The following NINL variants were observed in gnomAD, a reference collection of about 807,000 sequenced individuals.
The protein encoded by NINL is ninein-like protein.
In NINL, 153 loss-of-function variants were observed where a neutral mutation model predicts 160.3. That is an observed-to-expected ratio of 0.95 (90% CI 0.84 to 1.09). The LOEUF is 1.09. Ranked by LOEUF, NINL falls within the 50% of genes least tolerant of loss-of-function variation. The pLI is 0.00. For synonymous variants in NINL, 800 were observed against 734.8 expected, an observed-to-expected ratio of 1.09 and a Z score of -1.43; for missense variants, 1,829 against 1,764.0, an observed-to-expected ratio of 1.04 and a Z score of -0.66.
In NINL at chr20:25,470,018, GC is replaced by G; in HGVS notation, c.3325del (p.Ala1109LeufsTer16). 6 of 1,614,178 alleles carry G rather than the reference GC, an allele frequency of 3.7e-6. No individual in the cohort carries two copies. The highest frequency in any genetic ancestry group is 5.1e-6 in the Non-Finnish European group (6 of 1,179,996). ...DLGRVRQELEAAESTHDAQRK... is the reference protein window; with the variant it reads ...DLGRVRQELEXAESTHDAQRK... ...CTGTGCATCGTGAGTACTTTCTGCA[GC>G]TTCAAGCTCTTGCCGAACCCTTCCC... On this transcript the variant is annotated frameshift_variant, in exon 18 of 24. Coordinates refer to ENST00000278886, the MANE Select transcript of NINL (RefSeq NM_025176.6). LOFTEE classifies it high-confidence loss of function.
chr20:25,520,509 A>G (rs566670358), intron 2 of NINL, among the ~76,000 whole-genome samples: 1 of 152,184 alleles, frequency 6.6e-6, no homozygotes, highest in African/African-American at 2.4e-5. Context: ...TCTGCCCCCC[A>G]GTTAAAATGT....
intron 1 of NINL, among the ~76,000 whole-genome samples, chr20:25,533,593 C>A (rs994341470): frequency 2.0e-5 from 3 of 151,964 alleles, no homozygotes; most frequent in African/African-American, 7.3e-5. Context: ...AGACATAGAC[C>A]CATGGAACAG....
At chr20:25,558,334 A>G (rs1404385283) in intron 1 of NINL, among the ~76,000 whole-genome samples, 2 of 152,066 alleles carry the variant, frequency 1.3e-5, no homozygotes, top group Non-Finnish European at 2.9e-5. Context: ...CAGCCTCCCA[A>G]GTAGCTGGGA....
Position 25,455,788 on chromosome 20 carries a change from T to C in NINL, c.3844-2A>G. ...TTTCAGCTGTTTCTCATGTTCTTCC[T>C]GCCATAAAAGAAGGTTGCAGGTGGC... On this transcript the variant is annotated splice_acceptor_variant, in intron 22 of 23. Coordinates refer to ENST00000278886, the MANE Select transcript of NINL (RefSeq NM_025176.6). LOFTEE classifies it high-confidence loss of function. 2 of 1,613,604 alleles carry C rather than the reference T, an allele frequency of 1.2e-6. No individual in the cohort carries two copies. Among genetic ancestry groups the C allele is most frequent in the South Asian group, 1.1e-5 (1 of 91,070 alleles).
rs751239461 is a variant in NINL, at chr20:25,461,605, G to A, written c.3613C>T (p.Leu1205Phe). 3 of 1,612,512 alleles carry A rather than the reference G, an allele frequency of 1.9e-6. No individual in the cohort carries two copies. The highest frequency in any genetic ancestry group is 2.7e-5 in the African/African-American group (2 of 74,814). The change falls in exon 21 of 24, where the codon CTT becomes TTT. Residue 1205 changes from leucine (L) to phenylalanine (F), a missense_variant. Transcript: ENST00000278886. ...TGATGTTCCTGATTCAGGCATTCAA[G>A]TTCAACTCTAAGTTTTTGGATTTGG... ...SDQIQKLRVE[L>F]ECLNQEHQSL... is the part of the protein sequence containing the mutation.
At chr20:25,526,383 T>TA (rs11087523) in intron 2 of NINL, 25 bp downstream of exon 2, 86,986 of 1,593,342 alleles carry the variant, frequency 0.055, 3,810 homozygotes, top group African/African-American at 0.23. Context: ...TGCTTTCCTT[T>TA]ATGACAATGA....
intron 1 of NINL, among the ~76,000 whole-genome samples, chr20:25,554,452 A>G (rs543442244): frequency 1.2e-4 from 19 of 152,128 alleles, no homozygotes; most frequent in Non-Finnish European, 2.6e-4. Context: ...CAGAATGGCA[A>G]TCTGCATACT....
chr20:25,495,831 T>C (rs2063741813), intron 10 of NINL, among the ~76,000 whole-genome samples: 1 of 152,142 alleles, frequency 6.6e-6, no homozygotes, highest in African/African-American at 2.4e-5. Context: ...AGTGCGGTGG[T>C]TGTATCCTTA....
chr20:25,476,315 C>G lies in NINL; in HGVS notation c.2976G>C (p.Glu992Asp), dbSNP rs1419705815. 4.3e-6 allele frequency: 7 copies of G among 1,613,100 alleles called. No homozygotes were observed. Among genetic ancestry groups the G allele is most frequent in the Non-Finnish European group, 5.9e-6 (7 of 1,179,942 alleles). ...RARSWSRGTQ[E>D]QASEQQARAE... ...CCCGGGCCTGCTGCTCCGAGGCCTG[C>G]TCCTGGGTGCCCCTGCTCCAGCTTC... Residue 992 changes from glutamate to aspartate, a missense_variant, in exon 17 of 24, where the codon GAG becomes GAC. By Grantham distance (45) the Glu-to-Asp change is conservative. Coordinates refer to ENST00000278886, the MANE Select transcript of NINL (RefSeq NM_025176.6).
At chr20:25,465,783 TACAC>T (rs1264264728) in intron 19 of NINL, among the ~76,000 whole-genome samples, 1 of 152,166 alleles carries the variant, frequency 6.6e-6, no homozygotes, top group African/African-American at 2.4e-5. Flanking sequence ...GAGTCATAGT[TACAC>T]ACAATGTGGC....
intron 2 of NINL, among the ~76,000 whole-genome samples, chr20:25,519,745 G>A (rs1270815008): frequency 2.0e-5 from 3 of 152,004 alleles, no homozygotes; most frequent in African/African-American, 2.4e-5. Flanking sequence ...GGCCGGGTGC[G>A]GTGGCTCTTG....
Position 25,498,340 on chromosome 20 carries a change from C to A in NINL, c.1039G>T (p.Asp347Tyr). 6.2e-7 allele frequency: 1 copy of A among 1,612,720 alleles called. No homozygotes were observed. Among genetic ancestry groups the A allele is most frequent in the South Asian group, 1.1e-5 (1 of 91,028 alleles). ...QNGREILQSL[D>Y]FSVDEKVNLL... ...TTCACCTTCTCGTCCACGCTGAAGTCCAGGCTCTGGAAGCAGCAAGCCTGG... is the reference window on the plus strand; with the variant it reads ...TTCACCTTCTCGTCCACGCTGAAGTACAGGCTCTGGAAGCAGCAAGCCTGG... The change falls in exon 9 of 24, where the codon GAC becomes TAC. Residue 347 changes from aspartate to tyrosine, a missense_variant. Asp to Tyr is a radical substitution (Grantham distance 160). Coordinates refer to ENST00000278886, the MANE Select transcript of NINL (RefSeq NM_025176.6).
intron 1 of NINL, among the ~76,000 whole-genome samples, chr20:25,565,821 A>C (rs929466801): frequency 1.3e-5 from 2 of 152,182 alleles, no homozygotes; most frequent in African/African-American, 2.4e-5. Flanking sequence ...GAACAAAAAC[A>C]GAGAAAAGGC....
In NINL at chr20:25,475,932, G is replaced by A. The variant is rs922372785; in HGVS notation, c.3248+111C>T. On this transcript the variant is annotated intron_variant, in intron 17 of 23. Coordinates refer to ENST00000278886, the MANE Select transcript of NINL (RefSeq NM_025176.6). ...CTACACAGCCCCCATCAGGGGCTGC[G>A]AGCTTGTCGGCAGGAAGGGCCACAT... The A allele has an allele frequency of 1.3e-5, 15 of 1,159,280 alleles. No individual in the cohort carries two copies. In the African/African-American group the frequency reaches 1.5e-4, roughly 12 times the overall value. 71.8% of individuals were successfully genotyped at this position (1,159,280 alleles called of 1,614,324 possible).
At chr20:25,490,524 C>T (rs571870273) in intron 11 of NINL, among the ~76,000 whole-genome samples, 1 of 145,702 alleles carries the variant, frequency 6.9e-6, no homozygotes, top group African/African-American at 2.6e-5. Context: ...CATGCCACTG[C>T]ACTCTAGCCT....
intron 1 of NINL, among the ~76,000 whole-genome samples, chr20:25,529,630 G>A (rs2064420330): frequency 6.6e-6 from 1 of 151,996 alleles, no homozygotes; most frequent in Admixed American, 6.6e-5. Context: ...ACAATAAATC[G>A]GAAAGCAAAC....
At chr20:25,541,657 G>T (rs2064664386) in intron 1 of NINL, among the ~76,000 whole-genome samples, 1 of 152,130 alleles carries the variant, frequency 6.6e-6, no homozygotes, top group Admixed American at 6.5e-5. Flanking sequence ...TATATAAAAT[G>T]AGCTCTTTCT....
intron 1 of NINL, among the ~76,000 whole-genome samples, chr20:25,571,763 AGGCTGAG>A (rs981985644): frequency 6.1e-5 from 9 of 147,202 alleles, no homozygotes; most frequent in Non-Finnish European, 1.0e-4. Context: ...GTTACTCAGG[AGGCTGAG>A]GCAGGAGAAT....
At chr20:25,549,792 T>C (rs1162606938) in intron 1 of NINL, among the ~76,000 whole-genome samples, 1 of 152,148 alleles carries the variant, frequency 6.6e-6, no homozygotes, top group Non-Finnish European at 1.5e-5. Context: ...CTCCACAATG[T>C]CCCTAACATG....
Sources: allele counts gnomAD v4.1 joint callset (sites outside exome capture counted in the v4.1 genomes callset), GRCh38; gene constraint gnomAD v4.1.1; transcripts MANE v1.5; gene names NCBI Gene and HGNC (gene_info 2026-07-23, HGNC 2026-07-21).